The following NTRK2 variants were observed in gnomAD, a reference collection of about 807,000 sequenced individuals.
NTRK2 encodes BDNF/NT-3 growth factors receptor.
A neutral mutation model predicts 94.5 loss-of-function variants in NTRK2; 13 were observed. The observed-to-expected ratio is 0.14, with a 90% confidence interval of 0.09 to 0.22. The LOEUF (loss-of-function observed/expected upper bound fraction) is 0.22, where lower values mean the gene tolerates loss of function less well. Ranked by LOEUF, NTRK2 falls within the 10% of genes least tolerant of loss-of-function variation. NTRK2 has a pLI of 1.00. For missense variants in NTRK2, 639 were observed against 1,071.2 expected (o/e 0.60, Z 5.63); for synonymous variants, 372 against 407.4 (o/e 0.91, Z 1.05).
intron 17 of NTRK2, among the ~76,000 whole-genome samples, chr9:85,018,774 G>A (rs1179888761): frequency 6.6e-6 from 1 of 152,178 alleles, no homozygotes; most frequent in Non-Finnish European, 1.5e-5. Context: ...ACCACCTTCA[G>A]ACATCAAGTA....
In NTRK2 at chr9:84,723,707, A is replaced by G. The variant is rs767612147; in HGVS notation, c.718A>G (p.Met240Val). The G allele has an allele frequency of 5.6e-6, 9 of 1,613,956 alleles. No homozygotes were observed. Among genetic ancestry groups the G allele is most frequent in the African/African-American group, 1.3e-5 (1 of 74,922 alleles). The change falls in exon 7 of 19, where the codon ATG (methionine) becomes GTG (valine). Residue 240 changes from methionine to valine, a missense_variant and splice_region_variant. Met to Val is a conservative substitution (Grantham distance 21, BLOSUM62 1). Around this residue, in one of 5 missense-constraint regions of NTRK2, gnomAD observed 343 missense variants for 571.5 expected, o/e 0.60. Transcript: ENST00000277120. The stretch of plus-strand genomic sequence containing the variant: ...TGTTGGTAACCTGGTTTCCAAACAT[A>G]TGGTAAGGCTTGTGTTTGGCTGTGT... ...WDVGNLVSKH[M>V]NETSHTQGSL... is the part of the protein sequence containing the mutation.
At chr9:84,760,810 A>T (rs928602712) in intron 12 of NTRK2, among the ~76,000 whole-genome samples, 1 of 152,238 alleles carries the variant, frequency 6.6e-6, no homozygotes, top group African/African-American at 2.4e-5. Context: ...AGATCTAAAA[A>T]CACGACCTCA....
intron 16 of NTRK2, among the ~76,000 whole-genome samples, chr9:84,949,141 C>T (rs566422275): frequency 2.8e-4 from 42 of 152,176 alleles, no homozygotes; most frequent in African/African-American, 9.4e-4. Context: ...TGGACTTTAT[C>T]CTAAGGACAA....
At chr9:84,730,657 C>T (rs1014688519) in intron 9 of NTRK2, among the ~76,000 whole-genome samples, 8 of 124,490 alleles carry the variant, frequency 6.4e-5, no homozygotes, top group Non-Finnish European at 9.5e-5. Flanking sequence ...AGGAGAATGG[C>T]GTGAACCCGG....
intron 2 of NTRK2, among the ~76,000 whole-genome samples, chr9:84,690,524 A>G (rs530319041): frequency 5.6e-4 from 82 of 146,388 alleles, no homozygotes; most frequent in Admixed American, 5.0e-4. Flanking sequence ...AGGAAAAGAC[A>G]TTTTAAAAAA....
rs756758157 is a variant in NTRK2 at position 84,787,961 on chromosome 9, G to A, written c.1396+35876G>A. Among the ~76,000 whole-genome samples, 32 of 152,052 alleles carry A rather than the reference G, an allele frequency of 2.1e-4. 1 individual carries two copies. Among genetic ancestry groups the A allele is most frequent in the African/African-American group, 6.8e-4 (28 of 41,396 alleles). ...ATTCACCTTTCTGTGCCTCAGTTTC[G>A]CACCTCTAAAAGGGCATAATCACAA... is the stretch of plus-strand genomic sequence containing the variant. On this transcript the variant is annotated intron_variant, in intron 12 of 18. Transcript: ENST00000277120.
intron 12 of NTRK2, chr9:84,812,537 C>A (rs2071925334): frequency 2.7e-5 from 28 of 1,046,752 alleles, no homozygotes; most frequent in Non-Finnish European, 3.2e-5. Context: ...CGATCTTTCC[C>A]AAAGGTGTTG....
At chr9:84,785,319 G>C (rs1038418651) in intron 12 of NTRK2, among the ~76,000 whole-genome samples, 2 of 152,188 alleles carry the variant, frequency 1.3e-5, no homozygotes, top group African/African-American at 4.8e-5. Flanking sequence ...GAAATAGGCT[G>C]TACCAGTCTG....
At chr9:84,928,054 C>T (rs574680304) in intron 14 of NTRK2, among the ~76,000 whole-genome samples, 18 of 152,294 alleles carry the variant, frequency 1.2e-4, no homozygotes, top group Non-Finnish European at 2.1e-4. Context: ...AGTCTTGTTA[C>T]GTGCTCTATT....
At chr9:85,006,092 GA>G (rs1401610109) in intron 17 of NTRK2, among the ~76,000 whole-genome samples, 5 of 152,138 alleles carry the variant, frequency 3.3e-5, no homozygotes, top group African/African-American at 7.2e-5. Flanking sequence ...ATAAGCAAAT[GA>G]ATTATCAACT....
At chr9:84,799,199 A>T (rs944280410) in intron 12 of NTRK2, among the ~76,000 whole-genome samples, 3 of 152,096 alleles carry the variant, frequency 2.0e-5, no homozygotes, top group Admixed American at 2.0e-4. Flanking sequence ...AAATTATGAC[A>T]CTTGAAAATT....
chr9:84,872,466 T>G (rs953679416), intron 14 of NTRK2: 12 of 1,072,216 alleles, frequency 1.1e-5, no homozygotes, highest in Non-Finnish European at 1.4e-5. Flanking sequence ...TTAGCTAGGG[T>G]CCTAGGGTTG....
chr9:84,898,164 A>G (rs979866967), intron 14 of NTRK2, among the ~76,000 whole-genome samples: 2 of 151,830 alleles, frequency 1.3e-5, no homozygotes, highest in African/African-American at 4.8e-5. Flanking sequence ...GATGAGATTC[A>G]TTATAACCAC....
intron 12 of NTRK2, among the ~76,000 whole-genome samples, chr9:84,787,452 C>A (rs2068241274): frequency 6.6e-6 from 1 of 152,150 alleles, no homozygotes. Flanking sequence ...TAATCACTGG[C>A]TCTTTATTCA....
chr9:84,732,738 G>A (rs890633623), intron 9 of NTRK2, among the ~76,000 whole-genome samples: 2 of 152,196 alleles, frequency 1.3e-5, no homozygotes, highest in Non-Finnish European at 2.9e-5. Context: ...GGTGGAGAAG[G>A]AGATGACAGG....
intron 8 of NTRK2, 110 bp downstream of exon 8, chr9:84,724,466 G>T: frequency 7.8e-7 from 1 of 1,282,582 alleles, no homozygotes; most frequent in Middle Eastern, 1.8e-4. Context: ...AAAAGTATAT[G>T]CAGTGTTTTG....
chr9:84,698,633 A>G (rs2060536814), intron 2 of NTRK2, among the ~76,000 whole-genome samples: 1 of 152,230 alleles, frequency 6.6e-6, no homozygotes, highest in Non-Finnish European at 1.5e-5. Flanking sequence ...TTTTCAAAGT[A>G]GTTATAACAA....
intron 17 of NTRK2, among the ~76,000 whole-genome samples, chr9:85,013,198 C>T (rs1393678133): frequency 2.0e-5 from 3 of 152,154 alleles, no homozygotes; most frequent in Non-Finnish European, 2.9e-5. Flanking sequence ...TGCCTAGAAG[C>T]CCCTTATCAC....
At chr9:84,913,010 A>C (rs2077288660) in intron 14 of NTRK2, among the ~76,000 whole-genome samples, 1 of 152,032 alleles carries the variant, frequency 6.6e-6, no homozygotes, top group South Asian at 2.1e-4. Flanking sequence ...TCTATCTTTT[A>C]ATTGGTGCAT....
Sources: allele counts gnomAD v4.1 joint callset (sites outside exome capture counted in the v4.1 genomes callset), GRCh38; gene constraint gnomAD v4.1.1; regional missense constraint gnomAD v4.1.1; transcripts MANE v1.5; gene names NCBI Gene and HGNC (gene_info 2026-07-23, HGNC 2026-07-21).